The following NARS2 variants were observed in gnomAD, a reference collection of about 807,000 sequenced individuals.
NARS2 encodes the protein asparaginyl-tRNA synthetase.
A neutral mutation model predicts 62.9 loss-of-function variants in NARS2; 60 were observed. The observed-to-expected ratio is 0.95, with a 90% CI of 0.77 to 1.18. The LOEUF (loss-of-function observed/expected upper bound fraction) is 1.18. NARS2 is among the 50% of genes most tolerant of loss of function. The pLI is 0.00. For synonymous variants in NARS2, 196 were observed against 200.0 expected, an observed-to-expected ratio of 0.98 and a Z score of 0.17; for missense variants, 619 against 576.4, an observed-to-expected ratio of 1.07 and a Z score of -0.76.
intron 7 of NARS2, among the ~76,000 whole-genome samples, chr11:78,492,742 T>C (rs911837580): frequency 1.3e-5 from 2 of 152,216 alleles, no homozygotes; most frequent in African/African-American, 4.8e-5. Context: ...CATTATATTA[T>C]ATATACAATT....
Position 78,478,430 on chromosome 11 carries a change from C to T in NARS2, c.959+8G>A. The T allele has an allele frequency of 9.6e-7, 1 of 1,040,526 alleles. No individual in the cohort carries two copies. Among genetic ancestry groups the T allele is most frequent in the Non-Finnish European group, 1.4e-6 (1 of 733,626 alleles). 64.5% of individuals were successfully genotyped at this position (1,040,526 alleles called of 1,614,324 possible). A position where few individuals can be genotyped will look rare whatever the true frequency, so the allele number is the denominator to read the frequency against. On this transcript the variant is annotated splice_region_variant and intron_variant, in intron 9 of 13. Transcript: ENST00000281038. ...GAATAAAGTTCAAAAAGTATAACAT[C>T]TACTTACATTAAAAAGTTGTTTTTT...
At chr11:78,531,838 T>C (rs1009059449) in intron 5 of NARS2, among the ~76,000 whole-genome samples, 2 of 152,238 alleles carry the variant, frequency 1.3e-5, no homozygotes, top group East Asian at 1.9e-4. Flanking sequence ...GGTAAATCCA[T>C]AGAGACAGAT....
At chr11:78,570,252 T>TA (rs913497847) in intron 2 of NARS2, among the ~76,000 whole-genome samples, 25 of 152,298 alleles carry the variant, frequency 1.6e-4, no homozygotes, top group African/African-American at 5.8e-4. Flanking sequence ...GTTAACCACA[T>TA]AGTCTCTGAT....
chr11:78,457,692 G>C (rs769850692), intron 11 of NARS2, among the ~76,000 whole-genome samples: 3 of 152,256 alleles, frequency 2.0e-5, no homozygotes, highest in Middle Eastern at 3.4e-3. Flanking sequence ...TTACTAGAGA[G>C]ACTGTGTCAT....
rs940629937 is a variant in NARS2 at position 78,482,389 on chromosome 11, C to G, written c.823-3706G>C. On this transcript the variant is annotated intron_variant, in intron 7 of 13. Transcript: ENST00000281038. ...AAAGCTAGCAGAAGACAAGAAATAA[C>G]TAAGATCAGAGCAGAACTGAAGGAA... is the stretch of plus-strand genomic sequence containing the variant. 2.0e-5 allele frequency among the ~76,000 whole-genome samples: 3 copies of G among 151,750 alleles called. No individual in the cohort carries two copies. The East Asian group carries it at 5.8e-4, about 29-fold the overall frequency.
At chr11:78,467,845 C>T (rs1327601895) in intron 10 of NARS2, among the ~76,000 whole-genome samples, 1 of 151,794 alleles carries the variant, frequency 6.6e-6, no homozygotes, top group African/African-American at 2.4e-5. Context: ...TATATACAAT[C>T]TTCTTTTGTT....
intron 11 of NARS2, among the ~76,000 whole-genome samples, chr11:78,458,550 G>A (rs1327726166): frequency 6.6e-6 from 1 of 152,172 alleles, no homozygotes; most frequent in Non-Finnish European, 1.5e-5. Context: ...TTTCCTTTAT[G>A]CTATGTTGCT....
intron 5 of NARS2, among the ~76,000 whole-genome samples, chr11:78,549,902 C>T (rs1357451234): frequency 6.6e-6 from 1 of 152,118 alleles, no homozygotes; most frequent in Admixed American, 6.5e-5. Context: ...ATATAAAATA[C>T]CTCCTACAGG....
At chr11:78,522,557 G>C (rs1299471666) in intron 6 of NARS2, among the ~76,000 whole-genome samples, 1 of 151,906 alleles carries the variant, frequency 6.6e-6, no homozygotes, top group Non-Finnish European at 1.5e-5. Context: ...TACTTACTAA[G>C]GTTAATAAGT....
intron 1 of NARS2, 196 bp from the exon 2 acceptor site, chr11:78,571,640 CTTTT>C (rs942085932): frequency 1.5e-5 from 7 of 473,444 alleles, no homozygotes; most frequent in African/African-American, 9.7e-5. Flanking sequence ...GGTATTCTAT[CTTTT>C]GTTTTCGTAA....
At chr11:78,544,272 T>C (rs1855760860) in intron 5 of NARS2, among the ~76,000 whole-genome samples, 1 of 152,184 alleles carries the variant, frequency 6.6e-6, no homozygotes, top group African/African-American at 2.4e-5. Flanking sequence ...GCCAATATTC[T>C]TATAATGGCC....
At chr11:78,522,103 C>T (rs1401314199) in intron 6 of NARS2, among the ~76,000 whole-genome samples, 2 of 151,204 alleles carry the variant, frequency 1.3e-5, no homozygotes, top group Non-Finnish European at 2.9e-5. Context: ...CTGGTATGTG[C>T]CACTACATCC....
At chr11:78,475,397 G>A (rs1284069977) in intron 9 of NARS2, among the ~76,000 whole-genome samples, 1 of 152,012 alleles carries the variant, frequency 6.6e-6, no homozygotes, top group Non-Finnish European at 1.5e-5. Context: ...TTGACATACT[G>A]ACTTCAGTTC....
intron 11 of NARS2, among the ~76,000 whole-genome samples, chr11:78,456,733 T>G (rs1858176200): frequency 1.3e-5 from 2 of 152,230 alleles, no homozygotes; most frequent in African/African-American, 4.8e-5. Flanking sequence ...AGTCACTTTT[T>G]CCTAATTACA....
chr11:78,522,430 C>T (rs61539260), intron 6 of NARS2, among the ~76,000 whole-genome samples: 2,898 of 152,264 alleles, frequency 0.019, 89 homozygotes, highest in African/African-American at 0.066. Context: ...TCCAATGAGT[C>T]ATTCCACAAG....
chr11:78,478,547 C>T, intron 8 of NARS2, 38 bp downstream of exon 8: 1 of 1,373,306 alleles, frequency 7.3e-7, no homozygotes, highest in Non-Finnish European at 1.0e-6. Context: ...ACACATTAAA[C>T]AGTAGATGTA....
intron 6 of NARS2, among the ~76,000 whole-genome samples, chr11:78,520,840 G>A (rs944729318): frequency 6.6e-6 from 1 of 152,012 alleles, no homozygotes; most frequent in African/African-American, 2.4e-5. Context: ...TGGATCACCT[G>A]AGGTCAGGAG....
intron 11 of NARS2, among the ~76,000 whole-genome samples, chr11:78,447,093 A>C (rs969197242): frequency 2.0e-5 from 3 of 152,218 alleles, no homozygotes; most frequent in Admixed American, 2.0e-4. Context: ...TGCAAGAAAA[A>C]ATGCTCAAAA....
At chr11:78,446,389 A>T (rs1857761459) in intron 11 of NARS2, among the ~76,000 whole-genome samples, 1 of 152,242 alleles carries the variant, frequency 6.6e-6, no homozygotes, top group Non-Finnish European at 1.5e-5. Flanking sequence ...GCTGGGCTCT[A>T]ATCAGGACCC....
Sources: gnomAD v4.1 joint callset for allele counts (sites outside exome capture counted in the v4.1 genomes callset) on GRCh38, gnomAD v4.1.1 for gene constraint, MANE v1.5 for transcripts, NCBI Gene and HGNC (gene_info 2026-07-23, HGNC 2026-07-21) for gene names.